The following SPACA1 variants were observed in gnomAD, a reference collection of about 807,000 sequenced individuals.
The protein encoded by SPACA1 is sperm acrosome associated 1.
SPACA1 carries 17 observed loss-of-function variants against 32.6 expected under a neutral mutation model. That is an observed-to-expected ratio of 0.52 (90% CI 0.36 to 0.78). The LOEUF (loss-of-function observed/expected upper bound fraction) is 0.78. Ranked by LOEUF, SPACA1 falls within the 30% of genes least tolerant of loss-of-function variation. SPACA1 has a pLI of 0.01. For synonymous variants in SPACA1, 140 were observed against 138.1 expected (o/e 1.01, Z -0.10); for missense variants, 363 against 373.4 (o/e 0.97, Z 0.23).
intron 1 of SPACA1, among the ~76,000 whole-genome samples, chr6:88,052,121 T>G (rs560580586): frequency 6.6e-6 from 1 of 152,330 alleles, no homozygotes; most frequent in South Asian, 2.1e-4. Flanking sequence ...CATTGTAGGA[T>G]TCCCATTTTT....
chr6:88,055,597 T>C (rs1409444094), intron 2 of SPACA1, among the ~76,000 whole-genome samples: 1 of 152,250 alleles, frequency 6.6e-6, no homozygotes, highest in Admixed American at 6.5e-5. Flanking sequence ...GATTTTTAGA[T>C]GTTACTTGGT....
chr6:88,066,695 T>C lies in SPACA1; in HGVS notation c.*360T>C, dbSNP rs540536023. ...TATAGAAATGCTTTACATATTAGAC[T>C]TTCTCTCCCCTGGAAGCACTGGGTT... On this transcript the variant is annotated 3_prime_UTR_variant, in exon 7 of 7. Coordinates refer to ENST00000237201, the MANE Select transcript of SPACA1 (RefSeq NM_030960.3). The C allele has an allele frequency of 2.6e-5, 4 of 154,706 alleles. No homozygotes were observed. Among genetic ancestry groups the C allele is most frequent in the African/African-American group, 9.6e-5 (4 of 41,630 alleles). The allele number at this position is 154,706 out of a possible 1,614,324, so 9.6% of individuals were successfully genotyped here.
chr6:88,047,304 G>C (rs1775651360), upstream of SPACA1, among the ~76,000 whole-genome samples: 1 of 152,128 alleles, frequency 6.6e-6, no homozygotes, highest in Non-Finnish European at 1.5e-5. Flanking sequence ...GAGGGACTTG[G>C]AGTATCAGAT....
In SPACA1 at chr6:88,058,740, T is replaced by G; in HGVS notation, c.392T>G (p.Leu131Arg). The G allele has an allele frequency of 6.2e-7, 1 of 1,613,670 alleles. No homozygotes were observed. The highest frequency in any genetic ancestry group is 8.5e-7 in the Non-Finnish European group (1 of 1,179,788). The change falls in exon 4 of 7, where the codon CTT (leucine) becomes CGT (arginine). Residue 131 changes from leucine to arginine, a missense_variant. Leu to Arg is a moderately radical substitution (Grantham distance 102). Coordinates refer to ENST00000237201, the MANE Select transcript of SPACA1 (RefSeq NM_030960.3). ...GGGGGTAAACCAATTTCAGAAAGTC[T>G]TGAAAGTGTTAGATTGGCATGTATT... Reference protein sequence around the residue: ...CGWGKPISESLESVRLACIHT... With the variant: ...CGWGKPISESRESVRLACIHT...
At chr6:88,052,450 A>G (rs904402033) in intron 1 of SPACA1, among the ~76,000 whole-genome samples, 1 of 152,228 alleles carries the variant, frequency 6.6e-6, no homozygotes, top group African/African-American at 2.4e-5. Flanking sequence ...ATGGATCATC[A>G]TGATAGTCTA....
intron 1 of SPACA1, among the ~76,000 whole-genome samples, chr6:88,050,075 T>C (rs1290788889): frequency 6.6e-6 from 1 of 152,260 alleles, no homozygotes; most frequent in Non-Finnish European, 1.5e-5. Flanking sequence ...CATTTCTACA[T>C]AATCTTTTCT....
chr6:88,048,199 T>C (rs558368995), intron 1 of SPACA1, 86 bp downstream of exon 1: 71 of 1,352,012 alleles, frequency 5.3e-5, no homozygotes, highest in Non-Finnish European at 6.6e-5. Context: ...ACCATAATTA[T>C]GTGTGTTAAC....
chr6:88,059,644 A>C, intron 5 of SPACA1, 56 bp downstream of exon 5: 1 of 1,524,272 alleles, frequency 6.6e-7, no homozygotes, highest in Non-Finnish European at 8.8e-7. Flanking sequence ...AAGAGCATTA[A>C]AATCACTTAG....
In SPACA1 at chr6:88,064,183, T is replaced by C. The variant is rs2127802330; in HGVS notation, c.695T>C (p.Phe232Ser). 1 of 1,612,940 alleles carries C rather than the reference T, an allele frequency of 6.2e-7. No homozygotes were observed. The highest frequency in any genetic ancestry group is 8.5e-7 in the Non-Finnish European group (1 of 1,179,366). The change falls in exon 6 of 7, where the codon TTT (phenylalanine) becomes TCT (serine). Residue 232 changes from phenylalanine (F) to serine (S), a missense_variant. By Grantham distance (155) the Phe-to-Ser change is radical. Transcript: ENST00000237201. Reference sequence around the variant, plus strand: ...ACCATAGGAGTCATTATCTGTGTATTTATAATTTTCTTATTGATCTTCATA... The same window carrying C: ...ACCATAGGAGTCATTATCTGTGTATCTATAATTTTCTTATTGATCTTCATA... ...VLTIGVIICV[F>S]IIFLLIFIII... is the part of the protein sequence containing the mutation.
chr6:88,059,512 C>T lies in SPACA1; in HGVS notation c.534C>T (p.Pro178=), dbSNP rs768207176. ...TAGAAGTACGCAAGGAAAGTCACCCCTTGGCTTTCGAGTGTGACACACTGG... is the reference window on the plus strand; with the variant it reads ...TAGAAGTACGCAAGGAAAGTCACCCTTTGGCTTTCGAGTGTGACACACTGG... ...AILEVRKESH[P]LAFECDTLDN... is the part of the protein sequence containing the mutation. The change falls in exon 5 of 7, where the codon CCC becomes CCT. Residue 178 remains proline (P), a synonymous_variant. Coordinates refer to ENST00000237201, the MANE Select transcript of SPACA1 (RefSeq NM_030960.3). The T allele has an allele frequency of 3.7e-6, 6 of 1,613,370 alleles. No homozygotes were observed. In the Middle Eastern group the frequency reaches 6.6e-4, roughly 177 times the overall value.
chr6:88,058,403 G>A (rs534015497), intron 3 of SPACA1, among the ~76,000 whole-genome samples: 3 of 152,296 alleles, frequency 2.0e-5, no homozygotes, highest in South Asian at 2.1e-4. Flanking sequence ...TTGGGAGGCC[G>A]AGGCAGGAGG....
chr6:88,062,466 A>G (rs1011874227), intron 5 of SPACA1, among the ~76,000 whole-genome samples: 5 of 152,188 alleles, frequency 3.3e-5, no homozygotes, highest in Admixed American at 6.5e-5. Flanking sequence ...TGATTCCAGA[A>G]TTTGGGGTCA....
rs1274862463 is a variant in SPACA1 at position 88,053,936 on chromosome 6, T to C, written c.209-10T>C. The C allele has an allele frequency of 6.2e-7, 1 of 1,611,458 alleles. No individual in the cohort carries two copies. Among genetic ancestry groups the C allele is most frequent in the African/African-American group, 1.3e-5 (1 of 74,860 alleles). On this transcript the variant is annotated splice_polypyrimidine_tract_variant and intron_variant, in intron 1 of 6. Coordinates refer to ENST00000237201, the MANE Select transcript of SPACA1 (RefSeq NM_030960.3). Reference sequence around the variant, plus strand: ...TAATTAAATAATGTATCTTTACCCTTTATGTTTAGTTTCAAATAGGAATGT... The same window carrying C: ...TAATTAAATAATGTATCTTTACCCTCTATGTTTAGTTTCAAATAGGAATGT...
intron 1 of SPACA1, among the ~76,000 whole-genome samples, chr6:88,052,361 T>C (rs1370045735): frequency 2.0e-5 from 3 of 152,248 alleles, no homozygotes; most frequent in Non-Finnish European, 4.4e-5. Flanking sequence ...TAGCCGTGTT[T>C]TCTATGTTCA....
chr6:88,058,967 T>C (rs1196903291), intron 4 of SPACA1, 145 bp downstream of exon 4: 1 of 565,710 alleles, frequency 1.8e-6, no homozygotes, highest in African/African-American at 1.9e-5. Flanking sequence ...TATTTTGGAA[T>C]TTTAAAATTT....
chr6:88,053,305 G>A (rs957431275), intron 1 of SPACA1, among the ~76,000 whole-genome samples: 3 of 152,110 alleles, frequency 2.0e-5, no homozygotes, highest in African/African-American at 7.2e-5. Context: ...CTGAAGAATT[G>A]CTTATATACT....
At chr6:88,058,678 A>C (rs573671758) in intron 3 of SPACA1, 38 bp from the exon 4 acceptor site, 1 of 1,429,410 alleles carries the variant, frequency 7.0e-7, no homozygotes. Flanking sequence ...AGCAATTTAT[A>C]ATGCCCAATG....
At chr6:88,047,340 A>C (rs1775651746), upstream of SPACA1, among the ~76,000 whole-genome samples, 1 of 152,218 alleles carries the variant, frequency 6.6e-6, no homozygotes, top group Non-Finnish European at 1.5e-5. Context: ...TCTTACTCAA[A>C]GTCTATTATT....
At chr6:88,064,414 A>G (rs1335233720) in intron 6 of SPACA1, 195 bp downstream of exon 6, 1 of 360,428 alleles carries the variant, frequency 2.8e-6, no homozygotes, top group Non-Finnish European at 4.9e-6. Context: ...TTTTAAAACA[A>G]TCTCATGACT....
Sources: allele counts gnomAD v4.1 joint callset (sites outside exome capture counted in the v4.1 genomes callset), GRCh38; gene constraint gnomAD v4.1.1; transcripts MANE v1.5; gene names NCBI Gene and HGNC (gene_info 2026-07-23, HGNC 2026-07-21).